SRRM4: variants seen among roughly 807,000 people sequenced by gnomAD.
The protein encoded by SRRM4 is serine/arginine repetitive matrix 4.
Under a neutral mutation model 68.9 loss-of-function variants are expected in SRRM4, and 33 were observed. The observed-to-expected ratio is 0.48, with a 90% CI of 0.36 to 0.64. The LOEUF (loss-of-function observed/expected upper bound fraction) is 0.64, where lower values mean the gene tolerates loss of function less well. Among genes scored for constraint, SRRM4 ranks in the 30% least tolerant of loss-of-function variants. The pLI is 0.00. For missense variants in SRRM4, 817 were observed against 827.1 expected (o/e 0.99, Z 0.15); for synonymous variants, 318 against 318.8 (o/e 1.00, Z 0.03).
rs1375803660 is a variant in SRRM4 at position 119,156,647 on chromosome 12, G to C, written c.1685G>C (p.Ser562Thr). 11 of 1,587,294 alleles carry C rather than the reference G, an allele frequency of 6.9e-6. No individual in the cohort carries two copies. Among genetic ancestry groups the C allele is most frequent in the Non-Finnish European group, 8.6e-6 (10 of 1,168,598 alleles). The change falls in exon 13 of 13, where the codon AGC (serine) becomes ACC (threonine). Residue 562 changes from serine (S) to threonine (T), a missense_variant. Transcript: ENST00000267260. Reference protein sequence around the residue: ...SRSRSRSRRRSRTRTSSSSSS... With the variant: ...SRSRSRSRRRTRTRTSSSSSS... ...AGTCGGAGCCGGAGCCGGAGACGGA[G>C]CCGGACCCGCACGAGCAGCAGCTCT...
intron 8 of SRRM4, chr12:119,144,399 A>G (rs1954387778): frequency 6.6e-6 from 1 of 152,206 alleles, no homozygotes; most frequent in Non-Finnish European, 1.5e-5. Context: ...AGGGCACTTA[A>G]AAAACCAAAA....
chr12:119,078,908 C>T (rs1468614508), intron 1 of SRRM4, among the ~76,000 whole-genome samples: 1 of 152,128 alleles, frequency 6.6e-6, no homozygotes, highest in Non-Finnish European at 1.5e-5. Flanking sequence ...CCAGCCAGGG[C>T]AACAGAGCAA....
intron 1 of SRRM4, among the ~76,000 whole-genome samples, chr12:119,015,043 A>G (rs1044263103): frequency 2.6e-5 from 4 of 152,228 alleles, no homozygotes; most frequent in Non-Finnish European, 5.9e-5. Context: ...GTGATCTGCC[A>G]ATAAGATGGA....
chr12:119,017,520 A>C (rs1428212705), intron 1 of SRRM4, among the ~76,000 whole-genome samples: 1 of 152,202 alleles, frequency 6.6e-6, no homozygotes, highest in Admixed American at 6.5e-5. Flanking sequence ...GCTGAGGAAG[A>C]TGGGAAGCAG....
chr12:119,085,865 T>C (rs990025044), intron 1 of SRRM4, among the ~76,000 whole-genome samples: 1 of 151,944 alleles, frequency 6.6e-6, no homozygotes, highest in Non-Finnish European at 1.5e-5. Flanking sequence ...AGAAAGAGGA[T>C]GGAGGGTGGT....
At chr12:119,077,872 TTC>T (rs966409819) in intron 1 of SRRM4, among the ~76,000 whole-genome samples, 13 of 152,102 alleles carry the variant, frequency 8.5e-5, no homozygotes, top group Non-Finnish European at 1.9e-4. Context: ...TAGGGGAACT[TTC>T]TCTCTCCCCA....
chr12:118,997,249 G>A (rs2135991709), intron 1 of SRRM4, among the ~76,000 whole-genome samples: 1 of 152,322 alleles, frequency 6.6e-6, no homozygotes, highest in Non-Finnish European at 1.5e-5. Context: ...CACCAAATTT[G>A]GTAGGGATTT....
intron 9 of SRRM4, among the ~76,000 whole-genome samples, chr12:119,147,269 G>A (rs1954409353): frequency 1.3e-5 from 2 of 152,194 alleles, no homozygotes; most frequent in Non-Finnish European, 2.9e-5. Flanking sequence ...GCAAAACTAT[G>A]GAGAAAGTAC....
rs886480401 is a variant in SRRM4 at position 118,984,580 on chromosome 12, A to G, written c.131+2567A>G. On this transcript the variant is annotated intron_variant, in intron 1 of 12. Transcript: ENST00000267260. ...CCCTCTGAATAAACTTCCTCAGGATATTTTAAGTCTATCTCTCAAGGTAAT... is the reference window on the plus strand; with the variant it reads ...CCCTCTGAATAAACTTCCTCAGGATGTTTTAAGTCTATCTCTCAAGGTAAT... Among the ~76,000 whole-genome samples the G allele has an allele frequency of 2.0e-5, 3 of 152,318 alleles. No individual in the cohort carries two copies. The East Asian group carries it at 5.8e-4, about 29-fold the overall frequency.
At chr12:119,023,928 T>A (rs138404373) in intron 1 of SRRM4, among the ~76,000 whole-genome samples, 199 of 152,356 alleles carry the variant, frequency 1.3e-3, no homozygotes, top group African/African-American at 4.6e-3. Flanking sequence ...ATTAACTCCT[T>A]CTCATGCTTT....
intron 12 of SRRM4, among the ~76,000 whole-genome samples, chr12:119,156,062 T>A (rs1954469319): frequency 6.6e-6 from 1 of 152,218 alleles, no homozygotes; most frequent in South Asian, 2.1e-4. Context: ...ATTCTTAATT[T>A]TCTTTAAATA....
At chr12:119,116,861 TG>T in intron 3 of SRRM4, 75 bp from the exon 4 acceptor site, 1 of 1,240,382 alleles carries the variant, frequency 8.1e-7, no homozygotes, top group Non-Finnish European at 1.2e-6. Context: ...GTATAAGGAC[TG>T]GGGAAGGTTC....
rs373819989 is a variant in SRRM4, at chr12:119,090,160, GT to G, written c.132-12075del. Among the ~76,000 whole-genome samples the G allele has an allele frequency of 4.1e-3, 620 of 152,264 alleles. 4 individuals are homozygous for G. Among genetic ancestry groups the G allele is most frequent in the African/African-American group, 0.014 (581 of 41,572 alleles). On this transcript the variant is annotated intron_variant, in intron 1 of 12. Transcript: ENST00000267260. ...ATGTTGATTCTGCCATTTTCAAGCA[GT>G]GATCTTGGGGGAGTCACTTAATCTG...
chr12:119,116,350 G>GCAGC (rs1394785663), intron 3 of SRRM4, among the ~76,000 whole-genome samples: 1 of 152,174 alleles, frequency 6.6e-6, no homozygotes, highest in Non-Finnish European at 1.5e-5. Flanking sequence ...CACTATCCGT[G>GCAGC]CAGCCGCAGC....
intron 7 of SRRM4, among the ~76,000 whole-genome samples, chr12:119,126,112 C>T (rs1954258214): frequency 7.0e-6 from 1 of 142,372 alleles, no homozygotes; most frequent in Admixed American, 7.3e-5. Context: ...CAACCTCCAC[C>T]TCCTGGGTTC....
chr12:119,019,145 G>A (rs531836717), intron 1 of SRRM4, among the ~76,000 whole-genome samples: 3 of 152,160 alleles, frequency 2.0e-5, no homozygotes, highest in Non-Finnish European at 2.9e-5. Flanking sequence ...CCTGCAGAGA[G>A]GATCTGATCG....
intron 1 of SRRM4, among the ~76,000 whole-genome samples, chr12:119,023,591 C>T (rs1953529751): frequency 6.6e-6 from 1 of 152,174 alleles, no homozygotes; most frequent in Admixed American, 6.5e-5. Flanking sequence ...CTGAAAGCAG[C>T]CAGTGTGACC....
chr12:119,022,497 G>C (rs971872963), intron 1 of SRRM4, among the ~76,000 whole-genome samples: 1 of 152,192 alleles, frequency 6.6e-6, no homozygotes, highest in African/African-American at 2.4e-5. Context: ...AGAAATGTAA[G>C]CCAGATGCCA....
chr12:119,061,049 ATGTG>A (rs146296766), intron 1 of SRRM4, among the ~76,000 whole-genome samples: 1 of 151,612 alleles, frequency 6.6e-6, no homozygotes, highest in Non-Finnish European at 1.5e-5. Context: ...TTAGTATGGA[ATGTG>A]TGTGTGTGTG....
Sources: allele counts gnomAD v4.1 joint callset (sites outside exome capture counted in the v4.1 genomes callset), GRCh38; gene constraint gnomAD v4.1.1; transcripts MANE v1.5; gene names NCBI Gene and HGNC (gene_info 2026-07-23, HGNC 2026-07-21).